The following COL14A1 variants were observed in gnomAD, a reference collection of about 807,000 sequenced individuals.
COL14A1 encodes collagen type XIV alpha 1 chain, also known as collagen alpha-1(XIV) chain.
In COL14A1, 136 loss-of-function variants were observed where a neutral mutation model predicts 230.3. The observed-to-expected ratio is 0.59, with a 90% CI of 0.51 to 0.68. The LOEUF is 0.68. Ranked by LOEUF, COL14A1 falls within the 30% of genes least tolerant of loss-of-function variation. The probability of loss-of-function intolerance (pLI) is 0.00; values close to 1 mark genes in which losing one functional copy is unlikely to be tolerated. For missense variants in COL14A1, 1,976 were observed against 2,215.8 expected (o/e 0.89, Z 2.17); for synonymous variants, 792 against 784.1 (o/e 1.01, Z -0.17).
At position 120,280,000 on chromosome 8, in the gene COL14A1, A is replaced by C. The variant is rs1433502212; in HGVS notation, c.3547A>C (p.Lys1183Gln). The change falls in exon 29 of 48, where the codon AAG (lysine) becomes CAG (glutamine). Residue 1183 changes from lysine to glutamine, a missense_variant. Coordinates refer to ENST00000297848, the MANE Select transcript of COL14A1 (RefSeq NM_021110.4). ...CTCGGAGTTGGTTAGCATTGGCAGTAAGCCCAGCGCACGCCATGTCTTCTT... is the reference window on the plus strand; with the variant it reads ...CTCGGAGTTGGTTAGCATTGGCAGTCAGCCCAGCGCACGCCATGTCTTCTT... ...DYSELVSIGS[K>Q]PSARHVFFVD... The C allele has an allele frequency of 6.2e-7, 1 of 1,613,738 alleles. No individual in the cohort carries two copies. Among genetic ancestry groups the C allele is most frequent in the Non-Finnish European group, 8.5e-7 (1 of 1,179,860 alleles).
At chr8:120,353,634 G>GA (rs1335001595) in intron 45 of COL14A1, among the ~76,000 whole-genome samples, 2 of 151,180 alleles carry the variant, frequency 1.3e-5, no homozygotes, top group Non-Finnish European at 2.9e-5. Context: ...AAAAACACAT[G>GA]AAAAAATGCT....
chr8:120,370,777 T>C (rs979261238), intron 47 of COL14A1: 5 of 1,372,972 alleles, frequency 3.6e-6, no homozygotes, highest in African/African-American at 2.9e-5. Flanking sequence ...CTACTCTCCC[T>C]TCCTCCCCTG....
At chr8:120,339,205 C>T (rs1277090230) in intron 42 of COL14A1, among the ~76,000 whole-genome samples, 6 of 152,196 alleles carry the variant, frequency 3.9e-5, no homozygotes, top group Non-Finnish European at 5.9e-5. Flanking sequence ...GAACTCCTGA[C>T]CTCGTGGTCT....
At chr8:120,359,865 A>T (rs778808733) in intron 45 of COL14A1, among the ~76,000 whole-genome samples, 1 of 151,864 alleles carries the variant, frequency 6.6e-6, no homozygotes, top group Non-Finnish European at 1.5e-5. Context: ...TTTGCACCTC[A>T]TCTTCTCTCT....
chr8:120,368,951 TTG>T (rs1823497039), intron 46 of COL14A1, among the ~76,000 whole-genome samples: 1 of 152,212 alleles, frequency 6.6e-6, no homozygotes, highest in Admixed American at 6.5e-5. Flanking sequence ...GTGTTCATGT[TTG>T]TGTCTGTGTG....
intron 17 of COL14A1, 108 bp downstream of exon 17, chr8:120,227,460 T>C (rs1818134536): frequency 3.6e-6 from 5 of 1,389,012 alleles, no homozygotes; most frequent in Middle Eastern, 2.6e-4. Context: ...AAGCTTCAAT[T>C]TCTCTTTGTC....
At chr8:120,364,865 AGAGT>A (rs1465890936) in intron 45 of COL14A1, among the ~76,000 whole-genome samples, 1 of 151,930 alleles carries the variant, frequency 6.6e-6, no homozygotes, top group Non-Finnish European at 1.5e-5. Flanking sequence ...CCTAGATGAC[AGAGT>A]GAGTGAGACT....
chr8:120,279,846 A>G, intron 28 of COL14A1, 89 bp from the exon 29 acceptor site: 4 of 1,435,882 alleles, frequency 2.8e-6, no homozygotes, highest in Non-Finnish European at 3.8e-6. Flanking sequence ...AAATAAACAT[A>G]TTTTAAACAG....
At chr8:120,187,002 C>T (rs143503188) in intron 5 of COL14A1, among the ~76,000 whole-genome samples, 8 of 152,254 alleles carry the variant, frequency 5.3e-5, no homozygotes, top group African/African-American at 1.9e-4. Flanking sequence ...TGAGTTCCAT[C>T]TAAGGACAGT....
At chr8:120,245,077 G>T (rs572564638) in intron 20 of COL14A1, among the ~76,000 whole-genome samples, 257 of 152,094 alleles carry the variant, frequency 1.7e-3, no homozygotes, top group Non-Finnish European at 2.8e-3. Context: ...CTTCTACATG[G>T]TATATGCTTT....
chr8:120,168,358 G>A (rs954027139), intron 5 of COL14A1, 111 bp downstream of exon 5: 29 of 711,098 alleles, frequency 4.1e-5, no homozygotes, highest in Middle Eastern at 2.5e-4. Flanking sequence ...GGTCTAATAC[G>A]AAGATCGCCT....
intron 4 of COL14A1, 23 bp downstream of exon 4, chr8:120,162,592 G>T: frequency 6.3e-7 from 1 of 1,584,880 alleles, no homozygotes; most frequent in South Asian, 1.2e-5. Context: ...AGTTCTCAAA[G>T]CACCTCCGCA....
intron 14 of COL14A1, 101 bp downstream of exon 14, chr8:120,216,591 G>T (rs564016284): frequency 8.5e-7 from 1 of 1,181,294 alleles, no homozygotes; most frequent in Admixed American, 2.4e-5. Context: ...TAAAATAATA[G>T]TAATTATTTA....
At chr8:120,196,995 G>C (rs1384155076) in intron 6 of COL14A1, 49 bp downstream of exon 6, 1 of 1,564,982 alleles carries the variant, frequency 6.4e-7, no homozygotes, top group Non-Finnish European at 8.7e-7. Flanking sequence ...GTGCAAAACT[G>C]CTGGGAAGTA....
chr8:120,185,168 C>A (rs753432089), intron 5 of COL14A1, among the ~76,000 whole-genome samples: 4 of 152,148 alleles, frequency 2.6e-5, no homozygotes, highest in Non-Finnish European at 5.9e-5. Context: ...TGGGTATTAA[C>A]CTCACTCAGA....
At chr8:120,133,219 C>CAA (rs1195089013) in intron 1 of COL14A1, among the ~76,000 whole-genome samples, 4 of 81,394 alleles carry the variant, frequency 4.9e-5, no homozygotes, top group Non-Finnish European at 1.1e-4. Context: ...CCGTCTCAAA[C>CAA]AAAAAAAAAA....
At chr8:120,165,655 T>C (rs1815842170) in intron 4 of COL14A1, among the ~76,000 whole-genome samples, 1 of 150,964 alleles carries the variant, frequency 6.6e-6, no homozygotes, top group African/African-American at 2.5e-5. Context: ...TGTGACATAG[T>C]GGATCAGCTT....
chr8:120,291,559 CAAAAAA>C (rs375963111), intron 34 of COL14A1, among the ~76,000 whole-genome samples: 3 of 41,638 alleles, frequency 7.2e-5, no homozygotes, highest in African/African-American at 2.6e-4. Flanking sequence ...GACTCCATCT[CAAAAAA>C]AAAAAAAAAA....
chr8:120,282,154 A>G (rs1820058409), intron 31 of COL14A1, among the ~76,000 whole-genome samples: 1 of 152,236 alleles, frequency 6.6e-6, no homozygotes, highest in East Asian at 1.9e-4. Flanking sequence ...CTATGCAGCC[A>G]TAAAAAATGA....
Sources: allele counts gnomAD v4.1 joint callset (sites outside exome capture counted in the v4.1 genomes callset), GRCh38; gene constraint gnomAD v4.1.1; transcripts MANE v1.5; gene names NCBI Gene and HGNC (gene_info 2026-07-23, HGNC 2026-07-21).